Variants in ARPC2 observed in about 807,000 individuals in gnomAD.
ARPC2 encodes actin-related protein 2/3 complex subunit 2.
A neutral mutation model predicts 38.6 loss-of-function variants in ARPC2; 4 were observed. That is an observed-to-expected ratio of 0.10 (90% CI 0.05 to 0.24). ARPC2 has a LOEUF of 0.24. Ranked by LOEUF, ARPC2 falls within the 10% of genes least tolerant of loss-of-function variation. The probability of loss-of-function intolerance (pLI) is 1.00; values close to 1 mark genes in which losing one functional copy is unlikely to be tolerated. For missense variants in ARPC2, 229 were observed against 387.3 expected, an observed-to-expected ratio of 0.59 and a Z score of 3.43; for synonymous variants, 125 against 140.8, an observed-to-expected ratio of 0.89 and a Z score of 0.79.
At chr2:218,243,514 A>G (rs1371498679) in intron 7 of ARPC2, among the ~76,000 whole-genome samples, 1 of 152,216 alleles carries the variant, frequency 6.6e-6, no homozygotes, top group African/African-American at 2.4e-5. Context: ...ACAGTGGCTC[A>G]CGCCTGTAAT....
chr2:218,236,903 C>T (rs1292134061), intron 5 of ARPC2, among the ~76,000 whole-genome samples: 1 of 152,138 alleles, frequency 6.6e-6, no homozygotes, highest in African/African-American at 2.4e-5. Flanking sequence ...GAAGTTATTC[C>T]CGTCAGTTGC....
intron 8 of ARPC2, among the ~76,000 whole-genome samples, chr2:218,246,769 G>A (rs1184823004): frequency 2.0e-5 from 3 of 152,192 alleles, no homozygotes; most frequent in Non-Finnish European, 2.9e-5. Flanking sequence ...TCAGAAGTTC[G>A]AGACCAACCT....
chr2:218,238,562 CTGT>C, intron 5 of ARPC2, 99 bp from the exon 6 acceptor site: 1 of 874,822 alleles, frequency 1.1e-6, no homozygotes, highest in East Asian at 2.6e-5. Flanking sequence ...CCTCTAGTCT[CTGT>C]TTACTTGGTA....
At chr2:218,237,583 G>T (rs1439950845) in intron 5 of ARPC2, among the ~76,000 whole-genome samples, 124 of 133,604 alleles carry the variant, frequency 9.3e-4, no homozygotes, top group African/African-American at 2.5e-3. Context: ...TTTTGTTTTT[G>T]TTTTTTTTTT....
chr2:218,252,318 GA>G (rs1690211498), intron 10 of ARPC2, among the ~76,000 whole-genome samples: 1 of 152,190 alleles, frequency 6.6e-6, no homozygotes, highest in South Asian at 2.1e-4. Context: ...GCCATGCAAT[GA>G]AATGGCAGCA....
chr2:218,249,753 A>T (rs1690137036), intron 9 of ARPC2, 68 bp from the exon 10 acceptor site: 1 of 1,460,826 alleles, frequency 6.8e-7, no homozygotes. Flanking sequence ...GACCTCTCTG[A>T]TGAAAGACAG....
At chr2:218,240,901 A>AG (rs369930937) in intron 7 of ARPC2, among the ~76,000 whole-genome samples, 1 of 149,072 alleles carries the variant, frequency 6.7e-6, no homozygotes, top group Non-Finnish European at 1.5e-5. Context: ...CTCAAAAAAA[A>AG]AGAGAGTCCT....
At chr2:218,225,812 A>T in intron 2 of ARPC2, 108 bp from the exon 3 acceptor site, 1 of 1,039,286 alleles carries the variant, frequency 9.6e-7, no homozygotes, top group Non-Finnish European at 1.5e-6. Context: ...CCTAAAATTT[A>T]TACAGAATGG....
At chr2:218,230,235 G>A (rs1227300050) in intron 4 of ARPC2, among the ~76,000 whole-genome samples, 2 of 149,608 alleles carry the variant, frequency 1.3e-5, no homozygotes, top group East Asian at 2.0e-4. Flanking sequence ...ACCTCCCACA[G>A]TGCTAAGATT....
intron 2 of ARPC2, among the ~76,000 whole-genome samples, chr2:218,219,762 C>T (rs533856886): frequency 6.6e-6 from 1 of 152,182 alleles, no homozygotes; most frequent in South Asian, 2.1e-4. Flanking sequence ...TATTCTGGCC[C>T]ATCTCCCCCT....
intron 3 of ARPC2, among the ~76,000 whole-genome samples, chr2:218,226,285 GTC>G (rs1203418417): frequency 1.2e-4 from 17 of 138,742 alleles, no homozygotes; most frequent in African/African-American, 4.3e-4. Flanking sequence ...CAGTGAGACT[GTC>G]TCAAAAAAAA....
At chr2:218,227,593 ATT>A (rs113665206) in intron 3 of ARPC2, among the ~76,000 whole-genome samples, 7 of 132,342 alleles carry the variant, frequency 5.3e-5, no homozygotes, top group East Asian at 2.2e-4. Flanking sequence ...CACCCGGCTA[ATT>A]TTTTTTTTTT....
At chr2:218,230,539 T>A (rs1238661210) in intron 4 of ARPC2, among the ~76,000 whole-genome samples, 2 of 152,136 alleles carry the variant, frequency 1.3e-5, no homozygotes, top group Admixed American at 6.5e-5. Flanking sequence ...GCTCAAGCAG[T>A]CCTCCTTCCT....
At chr2:218,232,869 C>G (rs933437915) in intron 4 of ARPC2, 1 of 150,290 alleles carries the variant, frequency 6.7e-6, no homozygotes, top group Admixed American at 6.7e-5. Flanking sequence ...AGCCACCATA[C>G]CTAGCCCAGA....
intron 2 of ARPC2, among the ~76,000 whole-genome samples, chr2:218,223,354 C>T (rs900982976): frequency 1.3e-5 from 2 of 152,190 alleles, no homozygotes; most frequent in African/African-American, 4.8e-5. Context: ...ACTGTCACAG[C>T]ATTGTAGTGC....
chr2:218,234,253 A>T lies in ARPC2; in HGVS notation c.223-99A>T, dbSNP rs993992702. 5.5e-6 allele frequency: 5 copies of T among 914,052 alleles called. No individual in the cohort carries two copies. In the African/African-American group the frequency reaches 6.8e-5, roughly 12 times the overall value. 56.6% of individuals were successfully genotyped at this position (914,052 alleles called of 1,614,324 possible). A position where few individuals can be genotyped will look rare whatever the true frequency, so the allele number is the denominator to read the frequency against. On this transcript the variant is annotated intron_variant, in intron 4 of 10. Coordinates refer to ENST00000315717, the MANE Select transcript of ARPC2 (RefSeq NM_152862.3). ...CAAATGAAAGTTAGGAAGAATGCCA[A>T]CTTAGGAAGAGCTTGGCAAGTGCAG... is the stretch of plus-strand genomic sequence containing the variant.
chr2:218,253,105 C>T (rs1464184230), intron 10 of ARPC2: 4 of 395,172 alleles, frequency 1.0e-5, no homozygotes, highest in East Asian at 7.2e-5. Context: ...GAATTGAACA[C>T]TCAGGAGCTT....
In ARPC2 at chr2:218,249,888, C is replaced by T; in HGVS notation, c.845C>T (p.Pro282Leu). 1 of 1,613,576 alleles carries T rather than the reference C, an allele frequency of 6.2e-7. No individual in the cohort carries two copies. The highest frequency in any genetic ancestry group is 8.5e-7 in the Non-Finnish European group (1 of 1,179,794). Residue 282 changes from proline to leucine, a missense_variant, in exon 10 of 11, where the codon CCA (proline) becomes CTA (leucine). Pro to Leu is a moderately conservative substitution (Grantham distance 98). Around this residue, in one of 3 missense-constraint regions of ARPC2, gnomAD observed 92 missense variants for 152.3 expected, o/e 0.60. Transcript: ENST00000315717. ...CTCAAGGTGCTGAACCGCGCACGCCCAGATGCCGAGAAAAAAGAAATGAAA... is the reference window on the plus strand; with the variant it reads ...CTCAAGGTGCTGAACCGCGCACGCCTAGATGCCGAGAAAAAAGAAATGAAA... ...DFLKVLNRARPDAEKKEMKTI... is the reference protein window; with the variant it reads ...DFLKVLNRARLDAEKKEMKTI...
chr2:218,244,715 A>C (rs905360628), intron 7 of ARPC2, among the ~76,000 whole-genome samples: 1 of 152,236 alleles, frequency 6.6e-6, no homozygotes, highest in Non-Finnish European at 1.5e-5. Context: ...TGGCTGTGTA[A>C]CCATGCCTTC....
Sources: gnomAD v4.1 joint callset for allele counts (sites outside exome capture counted in the v4.1 genomes callset) on GRCh38, gnomAD v4.1.1 for gene constraint, gnomAD v4.1.1 regional missense constraint, MANE v1.5 for transcripts, NCBI Gene and HGNC (gene_info 2026-07-23, HGNC 2026-07-21) for gene names.